Variants in CAST observed in about 807,000 individuals in gnomAD.
The protein encoded by CAST is MIR583 host.
Under a neutral mutation model 119.6 loss-of-function variants are expected in CAST, and 76 were observed. The ratio of observed to expected loss-of-function variants is 0.64; its 90% CI spans 0.53 to 0.77. The LOEUF is 0.77. CAST is among the 30% of genes least tolerant of loss of function. The pLI, the probability that CAST is intolerant of heterozygous loss-of-function variation, is 0.00. For synonymous variants in CAST, 319 were observed against 331.6 expected, an observed-to-expected ratio of 0.96 and a Z score of 0.41; for missense variants, 953 against 946.5, an observed-to-expected ratio of 1.01 and a Z score of -0.09.
the CAST span, chr5:96,425,745 C>A: frequency 1.2e-6 from 1 of 804,306 alleles, no homozygotes; most frequent in Middle Eastern, 2.3e-4. Flanking sequence ...AAAAAAAAAT[C>A]CATGTTGCAA....
chr5:96,045,285 G>A, the CAST span, among the ~76,000 whole-genome samples: 49 of 151,940 alleles, frequency 3.2e-4, no homozygotes, highest in Middle Eastern at 3.4e-3. Flanking sequence ...CCCAGGAGGC[G>A]GAGGTCGCAG....
chr5:96,747,072 G>T (rs1033890518), intron 17 of CAST, among the ~76,000 whole-genome samples: 1 of 152,100 alleles, frequency 6.6e-6, no homozygotes, highest in Non-Finnish European at 1.5e-5. Flanking sequence ...TATTGCCAAA[G>T]AACTTTTTTT....
the CAST span, among the ~76,000 whole-genome samples, chr5:96,181,287 C>G: frequency 6.6e-6 from 1 of 152,160 alleles, no homozygotes; most frequent in Non-Finnish European, 1.5e-5. Flanking sequence ...GGATTTTTCT[C>G]CCTCAGGAGT....
chr5:96,612,469 A>G (rs992142129), intron 1 of CAST, among the ~76,000 whole-genome samples: 2 of 152,184 alleles, frequency 1.3e-5, no homozygotes, highest in Non-Finnish European at 2.9e-5. Context: ...AAAACTACTT[A>G]CTGGGTACTA....
the CAST span, among the ~76,000 whole-genome samples, chr5:96,223,963 C>A: frequency 6.6e-6 from 1 of 151,994 alleles, no homozygotes; most frequent in Non-Finnish European, 1.5e-5. Flanking sequence ...AAATAGTGAG[C>A]TAAGCAATTG....
chr5:96,566,635 G>T (rs1300136407), intron 1 of CAST, among the ~76,000 whole-genome samples: 1 of 152,194 alleles, frequency 6.6e-6, no homozygotes, highest in Non-Finnish European at 1.5e-5. Flanking sequence ...ACTACAGGGT[G>T]TTGCAAAGCA....
chr5:96,347,937 CT>C, the CAST span, among the ~76,000 whole-genome samples: 3 of 152,114 alleles, frequency 2.0e-5, no homozygotes, highest in Non-Finnish European at 4.4e-5. Flanking sequence ...AGAGCCCTCC[CT>C]ACAAAACCCC....
At chr5:96,452,956 C>CAAAAAAAA in the CAST span, among the ~76,000 whole-genome samples, 25 of 62,686 alleles carry the variant, frequency 4.0e-4, 1 homozygote, top group East Asian at 2.4e-3. Context: ...GACTCCGTCT[C>CAAAAAAAA]AAAAAAAAAA....
chr5:96,589,596 T>C (rs1264620268), intron 1 of CAST, among the ~76,000 whole-genome samples: 2 of 152,208 alleles, frequency 1.3e-5, no homozygotes, highest in Admixed American at 6.5e-5. Flanking sequence ...TCTGCATTCA[T>C]TGACAGAGAA....
chr5:96,747,020 A>C (rs1763902532), intron 17 of CAST, among the ~76,000 whole-genome samples: 1 of 152,214 alleles, frequency 6.6e-6, no homozygotes, highest in Non-Finnish European at 1.5e-5. Context: ...AGGTTGGAGA[A>C]TTGGGGTTTT....
At chr5:96,724,194 T>A (rs1561526056) in intron 4 of CAST, among the ~76,000 whole-genome samples, 4 of 152,114 alleles carry the variant, frequency 2.6e-5, no homozygotes, top group Non-Finnish European at 5.9e-5. Context: ...ATCTTTTTTT[T>A]TCCTTGAGGC....
chr5:96,560,681 T>C (rs955283900), intron 1 of CAST, among the ~76,000 whole-genome samples: 2 of 151,994 alleles, frequency 1.3e-5, no homozygotes, highest in Non-Finnish European at 2.9e-5. Context: ...AGAATGGCGA[T>C]CATTAAAAAG....
intron 2 of CAST, among the ~76,000 whole-genome samples, chr5:96,689,296 G>A (rs1159533072): frequency 6.6e-6 from 1 of 152,184 alleles, no homozygotes; most frequent in Non-Finnish European, 1.5e-5. Context: ...GAGGCACTAT[G>A]TTATAGTATT....
At chr5:96,535,710 A>G (rs1745798453) in intron 1 of CAST, among the ~76,000 whole-genome samples, 1 of 151,368 alleles carries the variant, frequency 6.6e-6, no homozygotes, top group African/African-American at 2.4e-5. Context: ...AGTAGCTGGG[A>G]CTACAGGCGC....
At chr5:96,235,151 C>T in the CAST span, among the ~76,000 whole-genome samples, 3 of 152,058 alleles carry the variant, frequency 2.0e-5, no homozygotes, top group Admixed American at 2.0e-4. Flanking sequence ...TTGGTGGACC[C>T]CAGGAGAGCT....
At chr5:96,318,207 G>A in the CAST span, among the ~76,000 whole-genome samples, 3 of 152,192 alleles carry the variant, frequency 2.0e-5, no homozygotes, top group African/African-American at 7.2e-5. Context: ...TTGCTCCCCT[G>A]GCTGGATTGC....
intron 1 of CAST, 40 bp downstream of exon 1, chr5:96,662,537 G>A (rs1269467948): frequency 6.7e-6 from 9 of 1,339,588 alleles, no homozygotes; most frequent in Non-Finnish European, 7.6e-6. Context: ...GCTGGGCGAT[G>A]GGGTACCGGG....
chr5:96,558,435 G>C (rs535816883), intron 1 of CAST, among the ~76,000 whole-genome samples: 1 of 152,048 alleles, frequency 6.6e-6, no homozygotes, highest in Non-Finnish European at 1.5e-5. Context: ...TTTTTGAAAA[G>C]ATCAACAAAA....
chr5:96,138,667 A>T, the CAST span, among the ~76,000 whole-genome samples: 1 of 151,844 alleles, frequency 6.6e-6, no homozygotes, highest in Non-Finnish European at 1.5e-5. Flanking sequence ...ATATTTTTTG[A>T]TATATAGATT....
Sources: gnomAD v4.1 joint callset for allele counts (sites outside exome capture counted in the v4.1 genomes callset) on GRCh38, gnomAD v4.1.1 for gene constraint, MANE v1.5 for transcripts, NCBI Gene and HGNC (gene_info 2026-07-23, HGNC 2026-07-21) for gene names.